Variants in R3HDM4 observed in about 807,000 individuals in gnomAD.
R3HDM4 encodes R3H domain-containing protein 4.
R3HDM4 carries 30 observed loss-of-function variants against 31.3 expected under a neutral mutation model. The ratio of observed to expected loss-of-function variants is 0.96; its 90% CI spans 0.72 to 1.30. The LOEUF is 1.30. Ranked by LOEUF, R3HDM4 falls within the 50% of genes most tolerant of loss-of-function variation. The pLI is 0.00. For missense variants in R3HDM4, 444 were observed against 366.1 expected, an observed-to-expected ratio of 1.21 and a Z score of -1.74; for synonymous variants, 196 against 156.6, an observed-to-expected ratio of 1.25 and a Z score of -1.88.
At chr19:898,523 C>CT (rs2036774932) in intron 7 of R3HDM4, among the ~76,000 whole-genome samples, 2 of 152,046 alleles carry the variant, frequency 1.3e-5, no homozygotes, top group Non-Finnish European at 2.9e-5. Context: ...TCGCTTGAAC[C>CT]CGGAGGTGGA....
At chr19:898,900 G>C (rs1193286338) in intron 7 of R3HDM4, among the ~76,000 whole-genome samples, 3 of 152,312 alleles carry the variant, frequency 2.0e-5, no homozygotes, top group East Asian at 3.9e-4. Context: ...TCCAGGCGGG[G>C]CGGCAGAGAC....
At chr19:902,224 C>T in intron 1 of R3HDM4, 94 bp from the exon 2 acceptor site, 1 of 1,444,096 alleles carries the variant, frequency 6.9e-7, no homozygotes. Context: ...TGGTTTCCCC[C>T]AGCAATGGAG....
rs1176666737 is a variant in R3HDM4, at chr19:899,804, C to T, written c.562-118G>A. The stretch of plus-strand genomic sequence containing the variant: ...CTCAAACATGACCTCTGACCCACCA[C>T]GTGAGGCTGCTTAAGTGTCTCTGAG... On this transcript the variant is annotated intron_variant, in intron 5 of 7. Coordinates refer to ENST00000361574, the MANE Select transcript of R3HDM4 (RefSeq NM_138774.4). The surrounding 1 kb of genome is among the most constrained non-coding windows in gnomAD (Gnocchi z 6.8). 1.4e-5 allele frequency: 12 copies of T among 855,106 alleles called. No individual in the cohort carries two copies. Among genetic ancestry groups the T allele is most frequent in the African/African-American group, 5.1e-5 (3 of 58,312 alleles). 53.0% of individuals were successfully genotyped at this position (855,106 alleles called of 1,614,324 possible). A position where few individuals can be genotyped will look rare whatever the true frequency, so the allele number is the denominator to read the frequency against.
chr19:900,321 C>G (rs2036811288), intron 4 of R3HDM4, among the ~76,000 whole-genome samples, 175 bp from the exon 5 acceptor site: 1 of 151,966 alleles, frequency 6.6e-6, no homozygotes. Context: ...ACCCTACCCC[C>G]ACGAGGCCCT....
chr19:910,804 A>G (rs2036961573), intron 1 of R3HDM4, among the ~76,000 whole-genome samples: 1 of 151,880 alleles, frequency 6.6e-6, no homozygotes, highest in African/African-American at 2.4e-5. Flanking sequence ...CATAATAACG[A>G]TGATAGTAAT....
At chr19:909,450 C>T (rs764548558) in intron 1 of R3HDM4, among the ~76,000 whole-genome samples, 6 of 152,030 alleles carry the variant, frequency 3.9e-5, no homozygotes, top group Admixed American at 6.6e-5. Flanking sequence ...CGGCTGAGAG[C>T]GGAAACATGA....
intron 1 of R3HDM4, 69 bp from the exon 2 acceptor site, chr19:902,199 C>T: frequency 1.3e-6 from 2 of 1,560,384 alleles, no homozygotes; most frequent in Admixed American, 1.7e-5. Flanking sequence ...GGCCCTACCA[C>T]AGCCATGGCC....
At chr19:901,151 C>T (rs960283736) in intron 3 of R3HDM4, 199 bp from the exon 4 acceptor site, 43 of 700,306 alleles carry the variant, frequency 6.1e-5, no homozygotes, top group Non-Finnish European at 9.1e-5. Flanking sequence ...CCAGCTGTCT[C>T]GGGGTGGGGG....
At position 909,925 on chromosome 19, in the gene R3HDM4, C is replaced by T. The variant is rs145690075; in HGVS notation, c.71+3162G>A. Among the ~76,000 whole-genome samples, 986 of 152,306 alleles carry T rather than the reference C, an allele frequency of 6.5e-3. 9 individuals are homozygous for T. Among genetic ancestry groups the T allele is most frequent in the African/African-American group, 0.023 (941 of 41,562 alleles). On this transcript the variant is annotated intron_variant, in intron 1 of 7. Transcript: ENST00000361574. The stretch of plus-strand genomic sequence containing the variant: ...GTTACGTGGGTGCAGTGGCTCACGC[C>T]TGTAATCCCAGCACTTTGTGAGCCC...
chr19:906,142 A>T (rs2036901886), intron 1 of R3HDM4, among the ~76,000 whole-genome samples: 1 of 151,638 alleles, frequency 6.6e-6, no homozygotes, highest in African/African-American at 2.4e-5. Context: ...CTCCTGCCTC[A>T]GCCTCCGGAG....
At chr19:906,898 C>A (rs766530688) in intron 1 of R3HDM4, among the ~76,000 whole-genome samples, 1 of 152,096 alleles carries the variant, frequency 6.6e-6, no homozygotes, top group East Asian at 1.9e-4. Flanking sequence ...TCACTGCAAC[C>A]TCCACCTCCC....
intron 1 of R3HDM4, among the ~76,000 whole-genome samples, chr19:909,562 G>A (rs896170342): frequency 5.9e-5 from 9 of 151,510 alleles, no homozygotes; most frequent in East Asian, 2.0e-4. Flanking sequence ...TTGGGAGGCC[G>A]AGGCAGGTGG....
chr19:904,250 G>A (rs962347522), intron 1 of R3HDM4, among the ~76,000 whole-genome samples: 8 of 152,068 alleles, frequency 5.3e-5, no homozygotes, highest in Non-Finnish European at 1.0e-4. Context: ...TCCAAGACAC[G>A]ATTTCCCGTC....
At chr19:902,396 G>T (rs2036849798) in intron 1 of R3HDM4, 4 of 462,316 alleles carry the variant, frequency 8.7e-6, no homozygotes, top group Non-Finnish European at 1.6e-5. Context: ...GATCACTTGA[G>T]CTCAGGGGTT....
At chr19:903,981 G>T (rs1361439643) in intron 1 of R3HDM4, among the ~76,000 whole-genome samples, 1 of 151,966 alleles carries the variant, frequency 6.6e-6, no homozygotes, top group African/African-American at 2.4e-5. Context: ...AACCGGGGAG[G>T]CAGAGCTTGC....
At chr19:911,183 C>T (rs1226298257) in intron 1 of R3HDM4, among the ~76,000 whole-genome samples, 2 of 152,064 alleles carry the variant, frequency 1.3e-5, no homozygotes, top group Non-Finnish European at 1.5e-5. Context: ...CGGTGGCTCA[C>T]GCCTGTAATC....
At chr19:911,323 A>G (rs2036969017) in intron 1 of R3HDM4, among the ~76,000 whole-genome samples, 1 of 152,122 alleles carries the variant, frequency 6.6e-6, no homozygotes, top group Admixed American at 6.6e-5. Flanking sequence ...GGGCGCCTGT[A>G]ATCCCAGGTA....
At chr19:911,946 G>GGCAGGGACCAGGCTGGAGC (rs1201989986) in intron 1 of R3HDM4, among the ~76,000 whole-genome samples, 1 of 151,478 alleles carries the variant, frequency 6.6e-6, no homozygotes, top group Non-Finnish European at 1.5e-5. Flanking sequence ...CCGGGCGTGC[G>GGCAGGGACCAGGCTGGAGC]GCAGGGACCA....
At chr19:906,760 G>A (rs912151848) in intron 1 of R3HDM4, among the ~76,000 whole-genome samples, 5 of 152,018 alleles carry the variant, frequency 3.3e-5, no homozygotes, top group African/African-American at 4.8e-5. Flanking sequence ...TGCTGTCCCC[G>A]GGGAGGCAAG....
Sources: allele counts gnomAD v4.1 joint callset (sites outside exome capture counted in the v4.1 genomes callset), GRCh38; gene constraint gnomAD v4.1.1; non-coding constraint Gnocchi (gnomAD v3.1); transcripts MANE v1.5; gene names NCBI Gene and HGNC (gene_info 2026-07-23, HGNC 2026-07-21).